CFAP20DC: variants seen among roughly 807,000 people sequenced by gnomAD.
The protein encoded by CFAP20DC is protein CFAP20DC.
A neutral mutation model predicts 101.7 loss-of-function variants in CFAP20DC; 84 were observed. That is an observed-to-expected ratio of 0.83 (90% confidence interval 0.69 to 0.99). CFAP20DC has a LOEUF of 0.99. CFAP20DC is among the 50% of genes least tolerant of loss of function. The pLI is 0.00. For synonymous variants in CFAP20DC, 359 were observed against 351.2 expected (o/e 1.02, Z -0.25); for missense variants, 1,007 against 970.3 (o/e 1.04, Z -0.50).
At chr3:58,939,084 TG>T (rs1448621177) in intron 4 of CFAP20DC, among the ~76,000 whole-genome samples, 7 of 152,276 alleles carry the variant, frequency 4.6e-5, no homozygotes, top group Admixed American at 4.6e-4. Flanking sequence ...AACAATCCAC[TG>T]AAGTGCAGGA....
intron 14 of CFAP20DC, among the ~76,000 whole-genome samples, chr3:58,814,997 G>GA (rs1303261337): frequency 6.6e-6 from 1 of 151,138 alleles, no homozygotes; most frequent in Non-Finnish European, 1.5e-5. Context: ...CACAGAATTG[G>GA]AAAAAACTAC....
chr3:58,943,102 C>T (rs1408670322), intron 4 of CFAP20DC, among the ~76,000 whole-genome samples: 1 of 152,234 alleles, frequency 6.6e-6, no homozygotes, highest in African/African-American at 2.4e-5. Context: ...AAATTCCCAT[C>T]TCTTTGGGAC....
chr3:59,034,511 A>C (rs1414687874), intron 4 of CFAP20DC, among the ~76,000 whole-genome samples: 1 of 152,218 alleles, frequency 6.6e-6, no homozygotes, highest in Non-Finnish European at 1.5e-5. Context: ...TTTACCAAGA[A>C]AATGGAAAGA....
At chr3:58,982,170 A>G (rs1401460224) in intron 4 of CFAP20DC, among the ~76,000 whole-genome samples, 1 of 152,240 alleles carries the variant, frequency 6.6e-6, no homozygotes, top group Non-Finnish European at 1.5e-5. Context: ...ACCACCTCAC[A>G]CCAGTTAGAA....
chr3:59,011,795 G>A (rs2093590426), intron 4 of CFAP20DC, among the ~76,000 whole-genome samples: 1 of 152,110 alleles, frequency 6.6e-6, no homozygotes, highest in Non-Finnish European at 1.5e-5. Context: ...AAAAGCAGAT[G>A]CAGATATGAC....
At chr3:58,779,762 G>C (rs1405158559) in intron 15 of CFAP20DC, among the ~76,000 whole-genome samples, 1 of 152,150 alleles carries the variant, frequency 6.6e-6, no homozygotes, top group Non-Finnish European at 1.5e-5. Context: ...AGAAGGTGAA[G>C]AGGAGATGAA....
intron 15 of CFAP20DC, among the ~76,000 whole-genome samples, chr3:58,801,352 GA>G (rs2073686984): frequency 1.3e-5 from 2 of 152,162 alleles, no homozygotes; most frequent in South Asian, 4.1e-4. Flanking sequence ...TGGATAACAG[GA>G]AACAGTAATA....
intron 16 of CFAP20DC, among the ~76,000 whole-genome samples, chr3:58,751,208 G>A (rs1405544733): frequency 6.6e-6 from 1 of 152,124 alleles, no homozygotes; most frequent in Non-Finnish European, 1.5e-5. Flanking sequence ...AAAACTCAGA[G>A]GCTACTTAGG....
chr3:58,908,951 T>C (rs537910503), intron 6 of CFAP20DC, among the ~76,000 whole-genome samples: 3 of 151,880 alleles, frequency 2.0e-5, no homozygotes, highest in African/African-American at 7.2e-5. Flanking sequence ...AGAAGGAAAA[T>C]TAGGAAGACA....
At chr3:58,905,463 A>G (rs2107224151) in intron 6 of CFAP20DC, among the ~76,000 whole-genome samples, 1 of 152,320 alleles carries the variant, frequency 6.6e-6, no homozygotes, top group South Asian at 2.1e-4. Context: ...AGTAAATTGA[A>G]TCAGTACGCT....
chr3:58,787,896 C>T (rs1034364065), intron 15 of CFAP20DC, among the ~76,000 whole-genome samples: 1 of 151,328 alleles, frequency 6.6e-6, no homozygotes, highest in Non-Finnish European at 1.5e-5. Flanking sequence ...AACAGGAAAC[C>T]AAACACTGCA....
intron 13 of CFAP20DC, among the ~76,000 whole-genome samples, chr3:58,836,972 A>G (rs1024571868): frequency 1.6e-4 from 25 of 152,140 alleles, no homozygotes; most frequent in Non-Finnish European, 3.1e-4. Context: ...AGGGGCTTGA[A>G]GGAGAAGGAG....
chr3:59,022,933 C>A (rs2109005494), intron 4 of CFAP20DC, among the ~76,000 whole-genome samples: 1 of 152,152 alleles, frequency 6.6e-6, no homozygotes, highest in Middle Eastern at 3.4e-3. Context: ...ATGACCATTT[C>A]AAGAAAATTC....
chr3:58,841,051 T>C (rs778045431), intron 13 of CFAP20DC, among the ~76,000 whole-genome samples: 3 of 152,180 alleles, frequency 2.0e-5, no homozygotes, highest in Non-Finnish European at 2.9e-5. Flanking sequence ...GGAAGGCTAT[T>C]TATCAAATGA....
At chr3:58,895,686 T>C (rs940107643) in intron 6 of CFAP20DC, among the ~76,000 whole-genome samples, 10 of 152,172 alleles carry the variant, frequency 6.6e-5, no homozygotes, top group African/African-American at 2.4e-4. Context: ...CCAACTCTAT[T>C]GGTACCAATT....
At chr3:58,924,921 GTTAT>G (rs1205149151) in intron 5 of CFAP20DC, among the ~76,000 whole-genome samples, 11 of 151,842 alleles carry the variant, frequency 7.2e-5, no homozygotes, top group African/African-American at 1.7e-4. Context: ...TTTTAATGGG[GTTAT>G]TTGTTTTTTT....
chr3:58,926,528 G>A (rs1331652362), intron 5 of CFAP20DC, among the ~76,000 whole-genome samples: 4 of 152,092 alleles, frequency 2.6e-5, no homozygotes, highest in Non-Finnish European at 4.4e-5. Context: ...TATTTTGTAC[G>A]TATTTCTAAA....
chr3:58,932,316 T>C (rs369040660), intron 5 of CFAP20DC, among the ~76,000 whole-genome samples: 3 of 152,136 alleles, frequency 2.0e-5, no homozygotes, highest in African/African-American at 4.8e-5. Flanking sequence ...CTGAAAGTGA[T>C]GGGGAGAATG....
intron 5 of CFAP20DC, among the ~76,000 whole-genome samples, chr3:58,916,400 T>C (rs1017039214): frequency 6.6e-6 from 1 of 152,110 alleles, no homozygotes; most frequent in African/African-American, 2.4e-5. Flanking sequence ...AACCAGATCC[T>C]TACCCACTGT....
Sources: gnomAD v4.1 joint callset for allele counts (sites outside exome capture counted in the v4.1 genomes callset) on GRCh38, gnomAD v4.1.1 for gene constraint, MANE v1.5 for transcripts, NCBI Gene and HGNC (gene_info 2026-07-23, HGNC 2026-07-21) for gene names.